The following SURF2 variants were observed in gnomAD, a reference collection of about 807,000 sequenced individuals.
SURF2 encodes the protein surfeit 2.
SURF2 carries 32 observed loss-of-function variants against 26.2 expected under a neutral mutation model. The ratio of observed to expected loss-of-function variants is 1.22; its 90% CI spans 0.92 to 1.64. SURF2 has a LOEUF of 1.64. SURF2 is among the 40% of genes most tolerant of loss of function. SURF2 has a pLI of 0.00. For missense variants in SURF2, 415 were observed against 341.6 expected (o/e 1.21, Z -1.69); for synonymous variants, 173 against 139.1 (o/e 1.24, Z -1.71).
At chr9:133,357,660 T>A in intron 2 of SURF2, 51 bp from the exon 3 acceptor site, 12 of 1,568,894 alleles carry the variant, frequency 7.6e-6, no homozygotes, top group Non-Finnish European at 1.1e-5. Flanking sequence ...GCCACCAGTC[T>A]GAATCCTTGC....
intron 3 of SURF2, 69 bp downstream of exon 3, chr9:133,357,883 C>T (rs962677300): frequency 2.2e-5 from 33 of 1,499,526 alleles, no homozygotes; most frequent in African/African-American, 1.1e-4. Flanking sequence ...CCAGATGGAG[C>T]GTGCTTGAAG....
At position 133,361,070 on chromosome 9, in the gene SURF2, GTTGAAAAAGAAGTTCAAGAGTCA is replaced by G. The variant is rs2130056930; in HGVS notation, c.704_726del (p.Leu235SerfsTer11). 2 of 1,614,120 alleles carry G rather than the reference GTTGAAAAAGAAGTTCAAGAGTCA, an allele frequency of 1.2e-6. No homozygotes were observed. Among genetic ancestry groups the G allele is most frequent in the Non-Finnish European group, 1.7e-6 (2 of 1,180,000 alleles). ...TTATCCCACAGAAGCAGTTGGGCTC[GTTGAAAAAGAAGTTCAAGAGTCA>G]TCACCGCAAACCCAAGAGCTTCAGC... On this transcript the variant is annotated frameshift_variant, in exon 6 of 6. Transcript: ENST00000371964. LOFTEE classifies it high-confidence loss of function.
intron 2 of SURF2, 42 bp downstream of exon 2, chr9:133,357,110 G>A: frequency 2.7e-6 from 4 of 1,492,892 alleles, no homozygotes; most frequent in Non-Finnish European, 3.6e-6. Context: ...AGGGCAATTA[G>A]GACAGCCCCT....
At position 133,360,141 on chromosome 9, in the gene SURF2, A is replaced by G. The variant is rs2130048183; in HGVS notation, c.517+12A>G. The G allele has an allele frequency of 0.91, 1,448,873 of 1,595,414 alleles. 658,665 individuals are homozygous for G. Among genetic ancestry groups the G allele is most frequent in the African/African-American group, 0.98 (73,440 of 74,758 alleles). The stretch of plus-strand genomic sequence containing the variant: ...AGACCTGTACCCACGTAAGCAGAAC[A>G]GGCCCTGCTTCTCCCTGACCCTCTA... On this transcript the variant is annotated intron_variant, in intron 4 of 5. Transcript: ENST00000371964.
At chr9:133,360,483 T>C in intron 5 of SURF2, 49 bp downstream of exon 5, 1 of 1,502,548 alleles carries the variant, frequency 6.7e-7, no homozygotes, top group Non-Finnish European at 8.8e-7. Context: ...CCCCTAGTGA[T>C]GGTTTTCCAT....
In SURF2 at chr9:133,357,794, A is replaced by G. The variant is rs1387510280; in HGVS notation, c.317A>G (p.Tyr106Cys). 3 of 1,613,480 alleles carry G rather than the reference A, an allele frequency of 1.9e-6. No homozygotes were observed. The highest frequency in any genetic ancestry group is 2.5e-6 in the Non-Finnish European group (3 of 1,180,014). Residue 106 changes from tyrosine to cysteine, a missense_variant, in exon 3 of 6, where the codon TAC (tyrosine) becomes TGC (cysteine). Physicochemically the swap from Tyr to Cys is radical, Grantham distance 194 (BLOSUM62 -2). Coordinates refer to ENST00000371964, the MANE Select transcript of SURF2 (RefSeq NM_017503.5). ...CTGAGGCACACCCAGGGCCGGCGGT[A>G]CCAGCGAGCTCTGTGTAAATGTAAG... ...HVLRHTQGRRYQRALCKYEEC... is the reference protein window; with the variant it reads ...HVLRHTQGRRCQRALCKYEEC...
chr9:133,361,054 A>G lies in SURF2; in HGVS notation c.688-2A>G. On this transcript the variant is annotated splice_acceptor_variant, in intron 5 of 5. Coordinates refer to ENST00000371964, the MANE Select transcript of SURF2 (RefSeq NM_017503.5). LOFTEE classifies it high-confidence loss of function. ...GTAATCAGAATTTTGTTTATCCCAC[A>G]GAAGCAGTTGGGCTCGTTGAAAAAG... 1 of 1,614,162 alleles carries G rather than the reference A, an allele frequency of 6.2e-7. No homozygotes were observed. The highest frequency in any genetic ancestry group is 1.3e-5 in the African/African-American group (1 of 75,052).
intron 2 of SURF2, among the ~76,000 whole-genome samples, chr9:133,357,401 C>T (rs2130034056): frequency 1.3e-5 from 2 of 152,304 alleles, no homozygotes; most frequent in East Asian, 1.9e-4. Context: ...TAATAATCGT[C>T]AAAACAGAGA....
At position 133,360,051 on chromosome 9, in the gene SURF2, C is replaced by A; in HGVS notation, c.439C>A (p.Arg147=). 1.2e-6 allele frequency: 2 copies of A among 1,614,024 alleles called. No individual in the cohort carries two copies. Among genetic ancestry groups the A allele is most frequent in the Non-Finnish European group, 8.5e-7 (1 of 1,179,942 alleles). Residue 147 remains arginine, a synonymous_variant, in exon 4 of 6, where the codon CGG becomes AGG. Transcript: ENST00000371964. ...GATGGACGGTGACGGGCCTCGCCCG[C>A]GGGAAGCCTTCTGGGAGCCCACATC... ...DQMDGDGPRP[R]EAFWEPTSSD...
At chr9:133,358,368 GA>G (rs2130039509) in intron 3 of SURF2, among the ~76,000 whole-genome samples, 2 of 152,160 alleles carry the variant, frequency 1.3e-5, no homozygotes, top group Non-Finnish European at 2.9e-5. Flanking sequence ...GTTGAGAAGG[GA>G]GGACTCCTTG....
At chr9:133,359,211 G>T (rs2130041555) in intron 3 of SURF2, among the ~76,000 whole-genome samples, 1 of 152,286 alleles carries the variant, frequency 6.6e-6, no homozygotes. Flanking sequence ...GCTGTAAGGG[G>T]GCTCTGCCTT....
In SURF2 at chr9:133,359,982, G is replaced by GTGCC. The variant is rs2130045786; in HGVS notation, c.381_384dup (p.Val129ProfsTer15). ...ATGTCAGAAGCAAGGGGTGGAGTACGTGCCTGCCTGCCTGGTGCACCGGAG... is the reference window on the plus strand; with the variant it reads ...ATGTCAGAAGCAAGGGGTGGAGTACGTGCCTGCCTGCCTGCCTGGTGCACCGGAG... On this transcript the variant is annotated frameshift_variant, in exon 4 of 6. Transcript: ENST00000371964. LOFTEE classifies it high-confidence loss of function. 34 of 1,613,492 alleles carry GTGCC rather than the reference G, an allele frequency of 2.1e-5. No individual in the cohort carries two copies. Among genetic ancestry groups the GTGCC allele is most frequent in the Admixed American group, 3.3e-5 (2 of 59,954 alleles).
Position 133,356,583 on chromosome 9 carries a change from C to G in SURF2, c.-10C>G. ...GGCTTCCGCCGGGCTGCTCCGCGGGCGCGTCGGCCATGAGCGAGTTGCCGG... is the reference window on the plus strand; with the variant it reads ...GGCTTCCGCCGGGCTGCTCCGCGGGGGCGTCGGCCATGAGCGAGTTGCCGG... On this transcript the variant is annotated 5_prime_UTR_variant, in exon 1 of 6. Transcript: ENST00000371964. 10 of 1,517,326 alleles carry G rather than the reference C, an allele frequency of 6.6e-6. No individual in the cohort carries two copies. Among genetic ancestry groups the G allele is most frequent in the Non-Finnish European group, 8.8e-6 (10 of 1,140,038 alleles). 94.0% of individuals were successfully genotyped at this position (1,517,326 alleles called of 1,614,324 possible). A position where few individuals can be genotyped will look rare whatever the true frequency, so the allele number is the denominator to read the frequency against.
chr9:133,356,837 A>T, intron 1 of SURF2, 77 bp from the exon 2 acceptor site: 1 of 1,373,294 alleles, frequency 7.3e-7, no homozygotes, highest in African/African-American at 1.6e-5. Flanking sequence ...AGGAGAGGGA[A>T]GGGGGCGCGG....
chr9:133,358,674 C>A (rs2130040388), intron 3 of SURF2, among the ~76,000 whole-genome samples: 1 of 152,232 alleles, frequency 6.6e-6, no homozygotes, highest in East Asian at 1.9e-4. Flanking sequence ...TTTGATAACA[C>A]AGAGGCCCCT....
In SURF2 at chr9:133,356,613, C is replaced by T. The variant is rs1836601980; in HGVS notation, c.21C>T (p.Asp7=). 3.3e-6 allele frequency: 5 copies of T among 1,525,184 alleles called. No individual in the cohort carries two copies. Among genetic ancestry groups the T allele is most frequent in the African/African-American group, 2.8e-5 (2 of 71,156 alleles). 94.5% of individuals were successfully genotyped at this position (1,525,184 alleles called of 1,614,324 possible). Residue 7 remains aspartate (D), a synonymous_variant, in exon 1 of 6, where the codon GAC becomes GAT. Transcript: ENST00000371964. MSELPG[D]VRAFLREHPS... is the part of the protein sequence containing the mutation. ...CGGCCATGAGCGAGTTGCCGGGCGA[C>T]GTGCGGGCGTTTCTGCGGGAGCACC...
In SURF2 at chr9:133,357,727, A is replaced by G; in HGVS notation, c.250A>G (p.Lys84Glu). Reference protein sequence around the residue: ...STKNPHQLFCKLTLRHINKCP... With the variant: ...STKNPHQLFCELTLRHINKCP... ...GCTCTGTAGGCACCAGTTGTTCTGC[A>G]AACTCACCCTGCGGCACATCAACAA... Residue 84 changes from lysine (K) to glutamate (E), a missense_variant, in exon 3 of 6, where the codon AAA (lysine) becomes GAA (glutamate). By Grantham distance (56) the Lys-to-Glu change is moderately conservative (BLOSUM62 1). Coordinates refer to ENST00000371964, the MANE Select transcript of SURF2 (RefSeq NM_017503.5). 1.2e-6 allele frequency: 2 copies of G among 1,613,822 alleles called. No individual in the cohort carries two copies. The highest frequency in any genetic ancestry group is 1.7e-6 in the Non-Finnish European group (2 of 1,180,024).
chr9:133,356,752 G>GAGGGC, intron 1 of SURF2, 82 bp downstream of exon 1: 1 of 1,405,290 alleles, frequency 7.1e-7, no homozygotes. Context: ...GGGGAGAGGA[G>GAGGGC]AGGGCAGGGG....
Position 133,357,697 on chromosome 9 carries a change from TCTCTG to T in SURF2, c.234-8_234-4del. On this transcript the variant is annotated splice_polypyrimidine_tract_variant and intron_variant, in intron 2 of 5. Transcript: ENST00000371964. ...GTGAACTGTCCCTACAAATTTGGTC[TCTCTG>T]CTCTGTAGGCACCAGTTGTTCTGCA... 2 of 1,613,386 alleles carry T rather than the reference TCTCTG, an allele frequency of 1.2e-6. No homozygotes were observed. The highest frequency in any genetic ancestry group is 1.7e-6 in the Non-Finnish European group (2 of 1,179,714).
Sources: gnomAD v4.1 joint callset for allele counts (sites outside exome capture counted in the v4.1 genomes callset) on GRCh38, gnomAD v4.1.1 for gene constraint, MANE v1.5 for transcripts, NCBI Gene and HGNC (gene_info 2026-07-23, HGNC 2026-07-21) for gene names.